EYS: variants seen among roughly 807,000 people sequenced by gnomAD.
EYS encodes protein eyes shut homolog.
A neutral mutation model predicts 282.1 loss-of-function variants in EYS; 250 were observed. That is an observed-to-expected ratio of 0.89 (90% confidence interval 0.80 to 0.98). EYS has a LOEUF of 0.98. EYS is among the 50% of genes least tolerant of loss of function. The probability of loss-of-function intolerance (pLI) is 0.00; values close to 1 mark genes in which losing one functional copy is unlikely to be tolerated. For missense variants in EYS, 4,016 were observed against 3,709.0 expected (o/e 1.08, Z -2.15); for synonymous variants, 1,355 against 1,282.9 (o/e 1.06, Z -1.20).
intron 12 of EYS, among the ~76,000 whole-genome samples, chr6:65,164,473 C>T (rs1357387834): frequency 6.6e-6 from 1 of 151,232 alleles, no homozygotes; most frequent in African/African-American, 2.4e-5. Flanking sequence ...TATATGCTTT[C>T]CATTTTCTCT....
At chr6:63,850,284 C>G (rs1772211713) in intron 36 of EYS, among the ~76,000 whole-genome samples, 1 of 152,160 alleles carries the variant, frequency 6.6e-6, no homozygotes, top group Non-Finnish European at 1.5e-5. Flanking sequence ...CTTCCCCAAT[C>G]TAGCAAGACA....
At position 65,180,446 on chromosome 6, in the gene EYS, C is replaced by T. The variant is rs553764866; in HGVS notation, c.2023+115417G>A. On this transcript the variant is annotated intron_variant, in intron 12 of 42. Transcript: ENST00000503581. ...CAGAGAGCCAAATCATGAGTGAACT[C>T]CCATTCACAATTGCTTCAAAGAGAA... is the stretch of plus-strand genomic sequence containing the variant. Among the ~76,000 whole-genome samples the T allele has an allele frequency of 3.7e-3, 558 of 152,056 alleles. 3 individuals carry two copies. Among genetic ancestry groups the T allele is most frequent in the African/African-American group, 0.013 (519 of 41,470 alleles).
chr6:64,918,131 A>T (rs1768222997), intron 15 of EYS, among the ~76,000 whole-genome samples: 1 of 152,126 alleles, frequency 6.6e-6, no homozygotes, highest in Non-Finnish European at 1.5e-5. Flanking sequence ...CTAAACTCTT[A>T]ACCTCTGCAA....
chr6:64,881,797 T>A (rs1177965169), intron 19 of EYS, among the ~76,000 whole-genome samples: 3 of 151,886 alleles, frequency 2.0e-5, no homozygotes, highest in Non-Finnish European at 4.4e-5. Context: ...ATCTTCAATG[T>A]AAACTCTGTA....
intron 24 of EYS, among the ~76,000 whole-genome samples, chr6:64,608,430 T>TA (rs1767002194): frequency 6.6e-6 from 1 of 152,198 alleles, no homozygotes; most frequent in South Asian, 2.1e-4. Context: ...TAGTAATTGC[T>TA]ATGAAGACAA....
intron 22 of EYS, among the ~76,000 whole-genome samples, chr6:64,658,532 G>C (rs935248320): frequency 6.6e-6 from 1 of 152,106 alleles, no homozygotes; most frequent in African/African-American, 2.4e-5. Context: ...ATGGGGTTTT[G>C]GTGTGGATGT....
chr6:65,535,147 G>A (rs1767916722), intron 2 of EYS, among the ~76,000 whole-genome samples: 1 of 152,132 alleles, frequency 6.6e-6, no homozygotes, highest in Admixed American at 6.6e-5. Flanking sequence ...ACCCAGGATA[G>A]CTGATGTTTT....
At chr6:64,713,548 A>G (rs1771277973) in intron 22 of EYS, among the ~76,000 whole-genome samples, 1 of 152,180 alleles carries the variant, frequency 6.6e-6, no homozygotes, top group Non-Finnish European at 1.5e-5. Context: ...CACCTAATAT[A>G]GACTCCTTAA....
intron 33 of EYS, among the ~76,000 whole-genome samples, chr6:64,008,929 G>A (rs930485100): frequency 6.6e-6 from 1 of 152,154 alleles, no homozygotes; most frequent in Non-Finnish European, 1.5e-5. Flanking sequence ...TGGAGAATCT[G>A]ACGACTATGT....
intron 31 of EYS, among the ~76,000 whole-genome samples, chr6:64,179,192 A>G (rs1241130621): frequency 2.6e-5 from 4 of 152,048 alleles, no homozygotes; most frequent in Non-Finnish European, 4.4e-5. Flanking sequence ...TCCTTTGGGT[A>G]CAGTTTCTAC....
At chr6:64,804,179 G>T (rs932568412) in intron 22 of EYS, among the ~76,000 whole-genome samples, 2 of 152,098 alleles carry the variant, frequency 1.3e-5, no homozygotes, top group Non-Finnish European at 2.9e-5. Context: ...ATCAAATTTT[G>T]CTTTGAGACA....
At chr6:65,524,320 C>G (rs1767479835) in intron 2 of EYS, among the ~76,000 whole-genome samples, 1 of 152,174 alleles carries the variant, frequency 6.6e-6, no homozygotes, top group African/African-American at 2.4e-5. Context: ...ATTGTTGTGT[C>G]TCCTGGTGGA....
chr6:63,916,353 A>G (rs1189896616), intron 35 of EYS, among the ~76,000 whole-genome samples: 1 of 152,208 alleles, frequency 6.6e-6, no homozygotes, highest in Non-Finnish European at 1.5e-5. Flanking sequence ...TGAAAATTCA[A>G]TTTTCTCATA....
At chr6:64,613,134 A>G (rs896915211) in intron 24 of EYS, among the ~76,000 whole-genome samples, 1 of 152,162 alleles carries the variant, frequency 6.6e-6, no homozygotes, top group African/African-American at 2.4e-5. Context: ...GTTAGAGTAC[A>G]CATGCAAGAC....
At chr6:65,300,933 A>G (rs571332592) in intron 11 of EYS, 1 of 152,312 alleles carries the variant, frequency 6.6e-6, no homozygotes, top group East Asian at 1.9e-4. Context: ...TCAAGAATGG[A>G]ACAGGCTGTT....
intron 1 of EYS, among the ~76,000 whole-genome samples, chr6:65,704,182 C>A (rs1318947910): frequency 6.6e-6 from 1 of 152,212 alleles, no homozygotes; most frequent in Admixed American, 6.5e-5. Context: ...TCACATAACT[C>A]ATAATCCTTA....
intron 33 of EYS, among the ~76,000 whole-genome samples, chr6:64,061,818 G>C (rs1771181005): frequency 6.6e-6 from 1 of 151,796 alleles, no homozygotes; most frequent in African/African-American, 2.4e-5. Context: ...GGAGAAACCT[G>C]TTCTCTACTA....
intron 29 of EYS, among the ~76,000 whole-genome samples, chr6:64,321,244 C>A (rs140089444): frequency 2.0e-5 from 3 of 151,658 alleles, no homozygotes; most frequent in African/African-American, 7.3e-5. Flanking sequence ...TACAGTCTCT[C>A]CACTATCATG....
chr6:65,362,591 G>A (rs190970865), intron 8 of EYS, among the ~76,000 whole-genome samples: 33 of 151,378 alleles, frequency 2.2e-4, no homozygotes, highest in Middle Eastern at 3.5e-3. Flanking sequence ...ATATATGTAC[G>A]TATACATTTA....
Sources: allele counts gnomAD v4.1 joint callset (sites outside exome capture counted in the v4.1 genomes callset), GRCh38; gene constraint gnomAD v4.1.1; transcripts MANE v1.5; gene names NCBI Gene and HGNC (gene_info 2026-07-23, HGNC 2026-07-21).